The following CACNA1I variants were observed in gnomAD, a reference collection of about 807,000 sequenced individuals.
CACNA1I encodes the protein calcium voltage-gated channel subunit alpha1 I.
A neutral mutation model predicts 201.6 loss-of-function variants in CACNA1I; 74 were observed. The observed-to-expected ratio is 0.37, with a 90% confidence interval of 0.30 to 0.45. The LOEUF (loss-of-function observed/expected upper bound fraction) is 0.45, where lower values mean the gene tolerates loss of function less well. CACNA1I is among the 20% of genes least tolerant of loss of function. The pLI is 1.00. For synonymous variants in CACNA1I, 1,431 were observed against 1,345.2 expected (o/e 1.06, Z -1.40); for missense variants, 2,346 against 3,138.1 (o/e 0.75, Z 6.03).
At position 39,685,416 on chromosome 22, in the gene CACNA1I, G is replaced by A. The variant is rs1238725865; in HGVS notation, c.6028-345G>A. 6.7e-6 allele frequency among the ~76,000 whole-genome samples: 1 copy of A among 148,352 alleles called. No homozygotes were observed. The highest frequency in any genetic ancestry group is 2.0e-4 in the East Asian group (1 of 4,904). ...AGTGGGAGCAGCCAAGGCTGGGGCC[G>A]CGTCAGACCATGGGGGGTGCGGTGG... On this transcript the variant is annotated intron_variant, in intron 36 of 36. Coordinates refer to ENST00000402142, the MANE Select transcript of CACNA1I (RefSeq NM_021096.4). The surrounding 1 kb of genome is among the most constrained non-coding windows in gnomAD (Gnocchi z 5.0).
intron 2 of CACNA1I, among the ~76,000 whole-genome samples, chr22:39,598,837 C>T (rs76571725): frequency 0.13 from 19,416 of 151,580 alleles, 2,031 homozygotes; most frequent in African/African-American, 0.29. Context: ...ATACGGGTAG[C>T]ACAGATGTTA....
At chr22:39,577,928 C>T (rs966184304) in intron 1 of CACNA1I, among the ~76,000 whole-genome samples, 2 of 152,220 alleles carry the variant, frequency 1.3e-5, no homozygotes, top group Non-Finnish European at 2.9e-5. Flanking sequence ...GAAATGGGGG[C>T]CACAGTGACC....
rs1401453883 is a variant in CACNA1I, at chr22:39,659,336, C to T, written c.2331-97C>T. On this transcript the variant is annotated intron_variant, in intron 12 of 36. Coordinates refer to ENST00000402142, the MANE Select transcript of CACNA1I (RefSeq NM_021096.4). The surrounding 1 kb of genome is among the most constrained non-coding windows in gnomAD (Gnocchi z 4.3). ...GGGACCAACGCTGCCCCGCCTCCCC[C>T]TGCCCTGCATTTTACTGAGTTGACT... The T allele has an allele frequency of 2.0e-6, 2 of 1,001,390 alleles. No homozygotes were observed. The highest frequency in any genetic ancestry group is 3.0e-6 in the Non-Finnish European group (2 of 656,344). The allele number at this position is 1,001,390 out of a possible 1,614,324, so 62.0% of individuals were successfully genotyped here.
Position 39,679,743 on chromosome 22 carries a change from G to T in CACNA1I, c.5416G>T (p.Val1806Phe). 2 of 1,612,380 alleles carry T rather than the reference G, an allele frequency of 1.2e-6. No individual in the cohort carries two copies. Among genetic ancestry groups the T allele is most frequent in the Non-Finnish European group, 1.7e-6 (2 of 1,179,404 alleles). Reference protein sequence around the residue: ...PAQENLWLDSVSLIIKDSLEG... With the variant: ...PAQENLWLDSFSLIIKDSLEG... ...CTAGGAGAACCTGTGGCTGGACAGC[G>T]TCTCTTTAATCATCAAGGACTCCTT... Residue 1806 changes from valine to phenylalanine, a missense_variant, in exon 33 of 37, where the codon GTC becomes TTC. Physicochemically the swap from Val to Phe is conservative, Grantham distance 50. Transcript: ENST00000402142.
intron 1 of CACNA1I, among the ~76,000 whole-genome samples, chr22:39,591,241 C>A (rs1932817937): frequency 6.6e-6 from 1 of 151,236 alleles, no homozygotes; most frequent in Admixed American, 6.6e-5. Context: ...CTCACTGCAA[C>A]CTCCTCACCT....
Position 39,659,672 on chromosome 22 carries a change from A to G in CACNA1I, c.2449-25A>G, listed in dbSNP as rs748150494. ...CCTAGCCCTGGACTAGGGGTACCCC[A>G]GGGCTAACTGTGTCTCCCCAACAGA... is the stretch of plus-strand genomic sequence containing the variant. On this transcript the variant is annotated intron_variant, in intron 13 of 36. Coordinates refer to ENST00000402142, the MANE Select transcript of CACNA1I (RefSeq NM_021096.4). This position sits in a 1 kb window ranked among gnomAD's most constrained non-coding sequence, Gnocchi z 4.3. The G allele has an allele frequency of 8.5e-5, 137 of 1,613,370 alleles. No individual in the cohort carries two copies. Among genetic ancestry groups the G allele is most frequent in the Non-Finnish European group, 1.1e-4 (129 of 1,179,664 alleles).
chr22:39,672,053 G>T (rs1280642206), intron 26 of CACNA1I, 146 bp from the exon 27 acceptor site: 3 of 617,718 alleles, frequency 4.9e-6, no homozygotes, highest in Admixed American at 2.8e-5. Flanking sequence ...ACACTAAGAT[G>T]GAAAGAATAA....
At position 39,665,168 on chromosome 22, in the gene CACNA1I, C is replaced by T. The variant is rs1935148385; in HGVS notation, c.3851+245C>T. On this transcript the variant is annotated intron_variant, in intron 21 of 36. Transcript: ENST00000402142. The surrounding 1 kb of genome is among the most constrained non-coding windows in gnomAD (Gnocchi z 5.5). ...CCACTCTGCGTGTCCCTGAGTGGCT[C>T]GTTGCCATCTCTGGGTATCAGTCCC... is the stretch of plus-strand genomic sequence containing the variant. Among the ~76,000 whole-genome samples the T allele has an allele frequency of 6.6e-6, 1 of 152,130 alleles. No homozygotes were observed. The highest frequency in any genetic ancestry group is 1.5e-5 in the Non-Finnish European group (1 of 68,016).
At chr22:39,668,712 G>A (rs1281704563) in intron 24 of CACNA1I, among the ~76,000 whole-genome samples, 1 of 152,224 alleles carries the variant, frequency 6.6e-6, no homozygotes, top group African/African-American at 2.4e-5. Flanking sequence ...CCAGCTGGTA[G>A]AGGAACAGAG....
intron 1 of CACNA1I, among the ~76,000 whole-genome samples, chr22:39,583,147 T>TCCATCCATCCATCCAG (rs1342461448): frequency 1.3e-5 from 2 of 148,974 alleles, no homozygotes; most frequent in African/African-American, 5.0e-5. Context: ...CATCCATCCA[T>TCCATCCATCCATCCAG]CCAGCCATCC....
intron 10 of CACNA1I, among the ~76,000 whole-genome samples, chr22:39,653,169 G>GTGGGTGCACGGAGCCCCCC (rs1306953128): frequency 6.6e-6 from 1 of 151,696 alleles, no homozygotes; most frequent in Non-Finnish European, 1.5e-5. Flanking sequence ...TGACTGCATT[G>GTGGGTGCACGGAGCCCCCC]AGAACCTGGC....
chr22:39,583,044 C>T (rs1188983730), intron 1 of CACNA1I, among the ~76,000 whole-genome samples: 1 of 144,594 alleles, frequency 6.9e-6, no homozygotes. Flanking sequence ...ATCCATCCAT[C>T]CATCCATCCA....
intron 3 of CACNA1I, among the ~76,000 whole-genome samples, chr22:39,609,794 C>T (rs1933332425): frequency 6.6e-6 from 1 of 152,248 alleles, no homozygotes; most frequent in South Asian, 2.1e-4. Context: ...CACTCCGAGT[C>T]AGCCACATTC....
intron 10 of CACNA1I, among the ~76,000 whole-genome samples, chr22:39,655,043 A>G (rs1934769912): frequency 6.6e-6 from 1 of 152,132 alleles, no homozygotes; most frequent in Admixed American, 6.5e-5. Context: ...GAGAAGACCT[A>G]GGGTTGAGAT....
At position 39,658,937 on chromosome 22, in the gene CACNA1I, G is replaced by C. The variant is rs759612071; in HGVS notation, c.2151G>C (p.Trp717Cys). Residue 717 changes from tryptophan to cysteine, a missense_variant, in exon 12 of 37, where the codon TGG becomes TGC. By Grantham distance (215) the Trp-to-Cys change is radical. Coordinates refer to ENST00000402142, the MANE Select transcript of CACNA1I (RefSeq NM_021096.4). The part of the protein sequence containing the change: ...FDSIIVIISI[W>C]EIVGQADGGL... The stretch of plus-strand genomic sequence containing the variant: ...CTGCCCTGCGGGACCGCAGCATCTG[G>C]GAGATTGTGGGGCAGGCGGACGGTG... 1.9e-6 allele frequency: 3 copies of C among 1,595,770 alleles called. No homozygotes were observed. In the Admixed American group the frequency reaches 5.2e-5, roughly 27 times the overall value.
At chr22:39,620,766 T>TTTG (rs1569066007) in intron 4 of CACNA1I, among the ~76,000 whole-genome samples, 21 of 82,112 alleles carry the variant, frequency 2.6e-4, no homozygotes, top group African/African-American at 3.5e-4. Flanking sequence ...TTGTTTGTTT[T>TTTG]TTTTGAGACA....
chr22:39,672,243 T>A lies in CACNA1I; in HGVS notation c.4584T>A (p.Thr1528=). Residue 1528 remains threonine (T), a synonymous_variant, in exon 27 of 37, where the codon ACT becomes ACA. Coordinates refer to ENST00000402142, the MANE Select transcript of CACNA1I (RefSeq NM_021096.4). Reference sequence around the variant, plus strand: ...AGTACTGCAACTATATGTTCACCACTGTCTTTGTGCTGGAGGCTGTGCTGA... The same window carrying A: ...AGTACTGCAACTATATGTTCACCACAGTCTTTGTGCTGGAGGCTGTGCTGA... ...ALKYCNYMFT[T]VFVLEAVLKL... The A allele has an allele frequency of 6.2e-7, 1 of 1,613,812 alleles. No individual in the cohort carries two copies.
chr22:39,648,028 A>C lies in CACNA1I; in HGVS notation c.1567+102A>C. The C allele has an allele frequency of 9.9e-7, 1 of 1,007,714 alleles. No homozygotes were observed. Among genetic ancestry groups the C allele is most frequent in the African/African-American group, 1.6e-5 (1 of 62,744 alleles). 62.4% of individuals were successfully genotyped at this position (1,007,714 alleles called of 1,614,324 possible). Reference sequence around the variant, plus strand: ...TCGGCAGGCATGGGGACGGCGCTTGAGCAGCCGCGACCCTCTGCAGGCCTG... The same window carrying C: ...TCGGCAGGCATGGGGACGGCGCTTGCGCAGCCGCGACCCTCTGCAGGCCTG... On this transcript the variant is annotated intron_variant, in intron 9 of 36. Coordinates refer to ENST00000402142, the MANE Select transcript of CACNA1I (RefSeq NM_021096.4). The surrounding 1 kb of genome is among the most constrained non-coding windows in gnomAD (Gnocchi z 5.4).
In CACNA1I at chr22:39,659,217, T is replaced by A; in HGVS notation, c.2330+101T>A. ...CTGTGCTTCTCTGGACAAAGCCACCTGGACCTGGGTGTGAAGCCTGACACT... is the reference window on the plus strand; with the variant it reads ...CTGTGCTTCTCTGGACAAAGCCACCAGGACCTGGGTGTGAAGCCTGACACT... On this transcript the variant is annotated intron_variant, in intron 12 of 36. Coordinates refer to ENST00000402142, the MANE Select transcript of CACNA1I (RefSeq NM_021096.4). This position sits in a 1 kb window ranked among gnomAD's most constrained non-coding sequence, Gnocchi z 4.3. 2.8e-6 allele frequency: 4 copies of A among 1,404,648 alleles called. No homozygotes were observed. The highest frequency in any genetic ancestry group is 3.9e-6 in the Non-Finnish European group (4 of 1,024,246). 87.0% of individuals were successfully genotyped at this position (1,404,648 alleles called of 1,614,324 possible). A position where few individuals can be genotyped will look rare whatever the true frequency, so the allele number is the denominator to read the frequency against.
Sources: gnomAD v4.1 joint callset for allele counts (sites outside exome capture counted in the v4.1 genomes callset) on GRCh38, gnomAD v4.1.1 for gene constraint, Gnocchi (gnomAD v3.1) non-coding constraint, MANE v1.5 for transcripts, NCBI Gene and HGNC (gene_info 2026-07-23, HGNC 2026-07-21) for gene names.